Variants in FRMD4A observed in about 807,000 individuals in gnomAD.
FRMD4A encodes the protein FERM domain-containing protein 4A.
A neutral mutation model predicts 129.1 loss-of-function variants in FRMD4A; 29 were observed. The observed-to-expected ratio is 0.22, with a 90% CI of 0.17 to 0.31. The LOEUF (loss-of-function observed/expected upper bound fraction) is 0.31. Ranked by LOEUF, FRMD4A falls within the 10% of genes least tolerant of loss-of-function variation. The probability of loss-of-function intolerance (pLI) is 1.00; values close to 1 mark genes in which losing one functional copy is unlikely to be tolerated. For missense variants in FRMD4A, 1,272 were observed against 1,375.8 expected (o/e 0.92, Z 1.19); for synonymous variants, 634 against 571.6 (o/e 1.11, Z -1.56).
chr10:13,702,913 GA>G (rs34246612), intron 13 of FRMD4A, among the ~76,000 whole-genome samples: 32,987 of 130,936 alleles, frequency 0.25, 4,054 homozygotes, highest in Non-Finnish European at 0.27. Context: ...AAAAGTGAAG[GA>G]AAAAAAAAAA....
intron 2 of FRMD4A, among the ~76,000 whole-genome samples, chr10:14,322,809 G>A (rs888275188): frequency 6.6e-6 from 1 of 152,132 alleles, no homozygotes; most frequent in African/African-American, 2.4e-5. Flanking sequence ...TCATATTCTG[G>A]CATAGAAGCC....
chr10:13,974,576 G>C lies in FRMD4A; in HGVS notation c.46-115664C>G, dbSNP rs149964555. Among the ~76,000 whole-genome samples the C allele has an allele frequency of 2.1e-3, 318 of 152,200 alleles. 1 individual carries two copies. Among genetic ancestry groups the C allele is most frequent in the African/African-American group, 6.6e-3 (275 of 41,520 alleles). ...GAGTCTCGCTCTGTCGCCCAGGGTG[G>C]AATGCAATGATGCAATCTCAGCTCG... is the stretch of plus-strand genomic sequence containing the variant. On this transcript the variant is annotated intron_variant, in intron 2 of 24. Coordinates refer to ENST00000357447, the MANE Select transcript of FRMD4A (RefSeq NM_018027.5).
rs946530218 is a variant in FRMD4A, at chr10:14,141,253, C to G, written c.45+188805G>C. Among the ~76,000 whole-genome samples, 5 of 152,072 alleles carry G rather than the reference C, an allele frequency of 3.3e-5. No homozygotes were observed. The East Asian group carries it at 9.6e-4, about 29-fold the overall frequency. On this transcript the variant is annotated intron_variant, in intron 2 of 24. Coordinates refer to ENST00000357447, the MANE Select transcript of FRMD4A (RefSeq NM_018027.5). ...CAAGGCACAAATATCTACAGGGCAC[C>G]CTGGATGTGCCCACAGGATCCAAGT...
Position 14,110,757 on chromosome 10 carries a change from G to A in FRMD4A, c.45+219301C>T, listed in dbSNP as rs1302285307. ...GTTTTAATCTGCCAAACATACCTCAGAATTCTTTCACAAGCAGTTACTTTT... is the reference window on the plus strand; with the variant it reads ...GTTTTAATCTGCCAAACATACCTCAAAATTCTTTCACAAGCAGTTACTTTT... On this transcript the variant is annotated intron_variant, in intron 2 of 24. Transcript: ENST00000357447. Among the ~76,000 whole-genome samples, 3 of 152,244 alleles carry A rather than the reference G, an allele frequency of 2.0e-5. No homozygotes were observed. In the East Asian group the frequency reaches 5.8e-4, roughly 29 times the overall value.
intron 2 of FRMD4A, among the ~76,000 whole-genome samples, chr10:14,108,187 C>T (rs1326352048): frequency 5.3e-5 from 8 of 152,122 alleles, no homozygotes; most frequent in African/African-American, 1.9e-4. Flanking sequence ...TGGCATTTCT[C>T]TTACTATTAG....
Position 14,300,102 on chromosome 10 carries a change from G to A in FRMD4A, c.45+29956C>T, listed in dbSNP as rs939115778. On this transcript the variant is annotated intron_variant, in intron 2 of 24. Coordinates refer to ENST00000357447, the MANE Select transcript of FRMD4A (RefSeq NM_018027.5). ...ATACCTTCGTGTAGGAGCCCTACACGAAGGTATAAAAGCCCAATAGCTCTG... is the reference window on the plus strand; with the variant it reads ...ATACCTTCGTGTAGGAGCCCTACACAAAGGTATAAAAGCCCAATAGCTCTG... Among the ~76,000 whole-genome samples the A allele has an allele frequency of 6.6e-5, 10 of 151,986 alleles. No individual in the cohort carries two copies. The East Asian group carries it at 1.7e-3, about 27-fold the overall frequency.
intron 2 of FRMD4A, among the ~76,000 whole-genome samples, chr10:14,067,593 C>T (rs1277109164): frequency 7.9e-5 from 12 of 151,240 alleles, no homozygotes; most frequent in African/African-American, 2.7e-4. Flanking sequence ...CCGAGGCGGG[C>T]GGATCACGAG....
At chr10:14,070,181 C>T (rs1232596256) in intron 2 of FRMD4A, among the ~76,000 whole-genome samples, 1 of 152,156 alleles carries the variant, frequency 6.6e-6, no homozygotes, top group Non-Finnish European at 1.5e-5. Flanking sequence ...ATGACATGCC[C>T]ATCCCTTGGA....
At chr10:14,104,377 T>C (rs1187730970) in intron 2 of FRMD4A, among the ~76,000 whole-genome samples, 5 of 152,228 alleles carry the variant, frequency 3.3e-5, no homozygotes, top group Non-Finnish European at 7.3e-5. Flanking sequence ...ACTTCCCTGC[T>C]CTAGATCTCT....
chr10:13,820,248 C>A (rs1246477192), intron 3 of FRMD4A, among the ~76,000 whole-genome samples: 1 of 152,200 alleles, frequency 6.6e-6, no homozygotes, highest in Non-Finnish European at 1.5e-5. Flanking sequence ...GAAACTCATA[C>A]ACCCTCAGAT....
In FRMD4A at chr10:13,977,693, G is replaced by A. The variant is rs373752489; in HGVS notation, c.46-118781C>T. On this transcript the variant is annotated intron_variant, in intron 2 of 24. Transcript: ENST00000357447. ...TCTTCATTCCCCCTAGCTACTGGCA[G>A]CCTTTAGTCTCCTTTCTGTCTCCAT... 1.2e-4 allele frequency among the ~76,000 whole-genome samples: 18 copies of A among 152,256 alleles called. No homozygotes were observed. In the East Asian group the frequency reaches 3.5e-3, roughly 29 times the overall value.
intron 17 of FRMD4A, among the ~76,000 whole-genome samples, chr10:13,666,911 C>CTTTTTTTT: frequency 8.7e-6 from 1 of 114,386 alleles, no homozygotes; most frequent in Non-Finnish European, 1.7e-5. Context: ...CTTTTCTTTT[C>CTTTTTTTT]TTTTTTTTTT....
At chr10:14,294,243 G>T (rs1589275388) in intron 2 of FRMD4A, among the ~76,000 whole-genome samples, 2 of 152,184 alleles carry the variant, frequency 1.3e-5, no homozygotes, top group Admixed American at 6.5e-5. Context: ...TGCATATGAT[G>T]TATTTTCTGA....
chr10:13,796,274 T>G (rs1323164204), intron 5 of FRMD4A, among the ~76,000 whole-genome samples: 2 of 152,194 alleles, frequency 1.3e-5, no homozygotes, highest in Non-Finnish European at 2.9e-5. Flanking sequence ...AGCATCCTAG[T>G]GCAAATGCAT....
chr10:13,658,492 A>G (rs74123098), intron 21 of FRMD4A, among the ~76,000 whole-genome samples: 5,324 of 152,358 alleles, frequency 0.035, 247 homozygotes, highest in African/African-American at 0.1. Flanking sequence ...GGCCAAGCAC[A>G]GGAAGAGGCG....
At chr10:13,786,522 C>T (rs190656354) in intron 5 of FRMD4A, among the ~76,000 whole-genome samples, 228 of 152,260 alleles carry the variant, frequency 1.5e-3, no homozygotes, top group African/African-American at 5.3e-3. Flanking sequence ...AGGAGAATCG[C>T]TTGAACCTGG....
intron 2 of FRMD4A, among the ~76,000 whole-genome samples, chr10:14,210,448 C>T (rs1483857925): frequency 6.6e-6 from 1 of 152,172 alleles, no homozygotes; most frequent in African/African-American, 2.4e-5. Context: ...ATGCAACAAA[C>T]TAATATAACC....
In FRMD4A at chr10:13,821,324, T is replaced by C. The variant is rs1304586391; in HGVS notation, c.112-10416A>G. ...GCTACTTCCTGTAGGCAGACGGGTGTGAAGAACAATGGAGTTGCACTGTCT... is the reference window on the plus strand; with the variant it reads ...GCTACTTCCTGTAGGCAGACGGGTGCGAAGAACAATGGAGTTGCACTGTCT... On this transcript the variant is annotated intron_variant, in intron 3 of 24. Transcript: ENST00000357447. This position sits in a 1 kb window ranked among gnomAD's most constrained non-coding sequence, Gnocchi z 4.3. Among the ~76,000 whole-genome samples, 1 of 152,006 alleles carries C rather than the reference T, an allele frequency of 6.6e-6. No homozygotes were observed. The highest frequency in any genetic ancestry group is 6.6e-5 in the Admixed American group (1 of 15,264).
chr10:14,095,516 AG>A (rs1211973490), intron 2 of FRMD4A, among the ~76,000 whole-genome samples: 2 of 152,242 alleles, frequency 1.3e-5, no homozygotes, highest in African/African-American at 4.8e-5. Flanking sequence ...CAATGCATAA[AG>A]AGCCGAAGCA....
Sources: gnomAD v4.1 joint callset for allele counts (sites outside exome capture counted in the v4.1 genomes callset) on GRCh38, gnomAD v4.1.1 for gene constraint, Gnocchi (gnomAD v3.1) non-coding constraint, MANE v1.5 for transcripts, NCBI Gene and HGNC (gene_info 2026-07-23, HGNC 2026-07-21) for gene names.